Variants in LINGO2 observed in about 807,000 individuals in gnomAD.
LINGO2 encodes the protein leucine rich repeat and Ig domain containing 2, also known as leucine-rich repeat and immunoglobulin-like domain-containing nogo receptor-interacting protein 2.
A neutral mutation model predicts 30.6 loss-of-function variants in LINGO2; 14 were observed. That is an observed-to-expected ratio of 0.46 (90% CI 0.30 to 0.72). The LOEUF (loss-of-function observed/expected upper bound fraction) is 0.72, where lower values mean the gene tolerates loss of function less well. LINGO2 is among the 30% of genes least tolerant of loss of function. The probability of loss-of-function intolerance (pLI) is 0.07; values close to 1 mark genes in which losing one functional copy is unlikely to be tolerated. For missense variants in LINGO2, 729 were observed against 751.7 expected, an observed-to-expected ratio of 0.97 and a Z score of 0.35; for synonymous variants, 317 against 288.5, an observed-to-expected ratio of 1.10 and a Z score of -1.00.
the LINGO2 span, among the ~76,000 whole-genome samples, chr9:29,032,902 T>C: frequency 1.3e-5 from 2 of 152,170 alleles, no homozygotes; most frequent in Non-Finnish European, 2.9e-5. Context: ...AGAGCTCTCC[T>C]CTGTAACTAT....
intron 3 of LINGO2, among the ~76,000 whole-genome samples, chr9:28,318,339 T>C (rs902116234): frequency 6.6e-6 from 1 of 151,214 alleles, no homozygotes; most frequent in African/African-American, 2.4e-5. Flanking sequence ...TTTCTATTTA[T>C]ATCATTGATT....
At chr9:28,050,322 GAAAT>G (rs1824613935) in intron 4 of LINGO2, among the ~76,000 whole-genome samples, 1 of 150,638 alleles carries the variant, frequency 6.6e-6, no homozygotes, top group South Asian at 2.1e-4. Flanking sequence ...GACAACCAAA[GAAAT>G]AAAATACACT....
chr9:28,850,406 C>T, the LINGO2 span, among the ~76,000 whole-genome samples: 1 of 151,946 alleles, frequency 6.6e-6, no homozygotes, highest in Admixed American at 6.6e-5. Flanking sequence ...TAGTACTTCT[C>T]TTTCTGGGTA....
At chr9:29,021,072 G>A in the LINGO2 span, among the ~76,000 whole-genome samples, 1 of 152,058 alleles carries the variant, frequency 6.6e-6, no homozygotes, top group Non-Finnish European at 1.5e-5. Context: ...AATCAGAAAC[G>A]ATTACTGTAT....
chr9:28,313,702 T>C (rs547678058), intron 3 of LINGO2, among the ~76,000 whole-genome samples: 59 of 152,176 alleles, frequency 3.9e-4, no homozygotes, highest in Non-Finnish European at 7.6e-4. Flanking sequence ...GTTCAAGCTT[T>C]TAAATGAAAT....
At chr9:27,960,242 G>A (rs914866581) in intron 5 of LINGO2, among the ~76,000 whole-genome samples, 2 of 152,110 alleles carry the variant, frequency 1.3e-5, no homozygotes, top group African/African-American at 2.4e-5. Context: ...AGTCTAAATT[G>A]TTGAGAAATA....
At chr9:28,142,072 A>AT (rs1174790091) in intron 4 of LINGO2, among the ~76,000 whole-genome samples, 1 of 151,296 alleles carries the variant, frequency 6.6e-6, no homozygotes, top group Non-Finnish European at 1.5e-5. Flanking sequence ...TAGAAAGTGT[A>AT]TTTGTTGCCC....
intron 1 of LINGO2, among the ~76,000 whole-genome samples, chr9:28,587,491 T>G (rs1045227566): frequency 4.6e-5 from 7 of 151,894 alleles, no homozygotes; most frequent in Non-Finnish European, 8.8e-5. Context: ...GAATCTCAGA[T>G]AGGCTGGTGT....
the LINGO2 span, among the ~76,000 whole-genome samples, chr9:29,182,626 C>A: frequency 2.0e-5 from 3 of 151,832 alleles, no homozygotes; most frequent in African/African-American, 7.3e-5. Flanking sequence ...ACAGATTACT[C>A]TTTTTTGGTT....
intron 1 of LINGO2, among the ~76,000 whole-genome samples, chr9:28,605,979 C>T (rs1825677653): frequency 6.6e-6 from 1 of 151,840 alleles, no homozygotes; most frequent in Non-Finnish European, 1.5e-5. Context: ...TCTTTTTGCG[C>T]CTTCCATCTC....
In LINGO2 at chr9:28,240,280, C is replaced by T. The variant is rs143849383; in HGVS notation, c.-87+54928G>A. ...CTTCACAGAAATAGAAAAAACAATC[C>T]TAAAATTGATATGACATCACAAAAG... On this transcript the variant is annotated intron_variant, in intron 4 of 5. Coordinates refer to ENST00000379992, the Ensembl canonical transcript of LINGO2. 6.7e-3 allele frequency among the ~76,000 whole-genome samples: 1,017 copies of T among 152,036 alleles called. 9 individuals carry two copies. Among genetic ancestry groups the T allele is most frequent in the Non-Finnish European group, 0.012 (782 of 67,934 alleles).
chr9:28,043,195 A>G (rs2132999111), intron 4 of LINGO2, among the ~76,000 whole-genome samples: 2 of 152,268 alleles, frequency 1.3e-5, no homozygotes, highest in South Asian at 4.1e-4. Flanking sequence ...TAATTTTCAA[A>G]TTTCCGTCCT....
intron 4 of LINGO2, among the ~76,000 whole-genome samples, chr9:28,013,256 T>G (rs527489869): frequency 3.3e-4 from 50 of 152,302 alleles, no homozygotes; most frequent in African/African-American, 1.1e-3. Context: ...CTCCTTTATA[T>G]ATGTATTTTA....
intron 3 of LINGO2, among the ~76,000 whole-genome samples, chr9:28,316,325 A>C (rs908792122): frequency 6.6e-6 from 1 of 152,056 alleles, no homozygotes; most frequent in Admixed American, 6.6e-5. Flanking sequence ...AAATAAAAAA[A>C]CGGATGAAGA....
intron 4 of LINGO2, among the ~76,000 whole-genome samples, chr9:28,165,350 G>A (rs1406172592): frequency 1.3e-5 from 2 of 152,172 alleles, no homozygotes; most frequent in Non-Finnish European, 2.9e-5. Context: ...CCTGTGACAT[G>A]CTGGGGAGAT....
intron 3 of LINGO2, among the ~76,000 whole-genome samples, chr9:28,297,150 A>C (rs542908431): frequency 1.5e-4 from 23 of 152,216 alleles, no homozygotes; most frequent in Admixed American, 2.0e-4. Context: ...GGAAGCACTC[A>C]TCAGTGACTT....
the LINGO2 span, among the ~76,000 whole-genome samples, chr9:29,123,873 T>A: frequency 6.6e-6 from 1 of 152,128 alleles, no homozygotes; most frequent in Non-Finnish European, 1.5e-5. Context: ...ATGAGATACA[T>A]GTATTGTTGT....
the LINGO2 span, among the ~76,000 whole-genome samples, chr9:28,991,054 A>G: frequency 2.6e-5 from 4 of 152,346 alleles, no homozygotes; most frequent in East Asian, 7.7e-4. Flanking sequence ...GCTTCAGACG[A>G]TCAAACTACT....
At chr9:28,265,778 A>T (rs1009997929) in intron 4 of LINGO2, among the ~76,000 whole-genome samples, 1 of 152,014 alleles carries the variant, frequency 6.6e-6, no homozygotes, top group African/African-American at 2.4e-5. Context: ...ATGTTTTAAA[A>T]ATGGCAAAAG....
Sources: allele counts gnomAD v4.1 joint callset (sites outside exome capture counted in the v4.1 genomes callset), GRCh38; gene constraint gnomAD v4.1.1; transcripts MANE v1.5; gene names NCBI Gene and HGNC (gene_info 2026-07-23, HGNC 2026-07-21).